Variants in DPY19L3 observed in about 807,000 individuals in gnomAD.
The protein encoded by DPY19L3 is protein C-mannosyl-transferase DPY19L3.
In DPY19L3, 51 loss-of-function variants were observed where a neutral mutation model predicts 92.3. That is an observed-to-expected ratio of 0.55 (90% confidence interval 0.44 to 0.70). The LOEUF is 0.70. Among genes scored for constraint, DPY19L3 ranks in the 30% least tolerant of loss-of-function variants. The pLI is 0.00. For missense variants in DPY19L3, 706 were observed against 855.9 expected (o/e 0.82, Z 2.18); for synonymous variants, 309 against 315.2 (o/e 0.98, Z 0.21).
intron 16 of DPY19L3, among the ~76,000 whole-genome samples, chr19:32,473,649 G>C (rs994817347): frequency 2.6e-5 from 4 of 152,298 alleles, no homozygotes; most frequent in South Asian, 2.1e-4. Flanking sequence ...TTTGGCATTT[G>C]CCTTACGGGT....
At chr19:32,436,086 G>A (rs1969128535) in intron 4 of DPY19L3, among the ~76,000 whole-genome samples, 1 of 152,244 alleles carries the variant, frequency 6.6e-6, no homozygotes, top group Non-Finnish European at 1.5e-5. Flanking sequence ...AGTGGAGAAG[G>A]AAGGCCATGT....
intron 3 of DPY19L3, among the ~76,000 whole-genome samples, chr19:32,432,194 T>C (rs576619717): frequency 6.6e-6 from 1 of 152,218 alleles, no homozygotes; most frequent in African/African-American, 2.4e-5. Context: ...TCTTCTAGGG[T>C]TGAATACTTA....
chr19:32,479,936 T>C (rs1970623326), intron 17 of DPY19L3, among the ~76,000 whole-genome samples: 1 of 152,214 alleles, frequency 6.6e-6, no homozygotes, highest in Non-Finnish European at 1.5e-5. Context: ...ACAGGGATCC[T>C]TCTCCCCACC....
Position 32,439,930 on chromosome 19 carries a change from C to A in DPY19L3, c.855+20C>A. The A allele has an allele frequency of 6.2e-7, 1 of 1,610,200 alleles. No homozygotes were observed. The highest frequency in any genetic ancestry group is 1.1e-5 in the South Asian group (1 of 89,864). On this transcript the variant is annotated intron_variant, in intron 8 of 18. Coordinates refer to ENST00000392250, the MANE Select transcript of DPY19L3 (RefSeq NM_001172774.2). ...GTGAAGGTGAGCTTTGCTTTCTTTTCTCACTTGAGATTTTGGCCATTTAGT... is the reference window on the plus strand; with the variant it reads ...GTGAAGGTGAGCTTTGCTTTCTTTTATCACTTGAGATTTTGGCCATTTAGT...
chr19:32,432,868 A>G, intron 4 of DPY19L3, 62 bp downstream of exon 4: 1 of 1,448,732 alleles, frequency 6.9e-7, no homozygotes, highest in Non-Finnish European at 9.7e-7. Flanking sequence ...TTTAGTGAGA[A>G]GTACTGTGCA....
intron 15 of DPY19L3, among the ~76,000 whole-genome samples, chr19:32,466,365 G>T (rs969262725): frequency 1.1e-4 from 17 of 152,242 alleles, no homozygotes; most frequent in Admixed American, 8.5e-4. Context: ...CATTTAACCA[G>T]CCCCCCAGTT....
chr19:32,469,494 T>TAA (rs1189739601), intron 16 of DPY19L3, among the ~76,000 whole-genome samples: 6 of 124,256 alleles, frequency 4.8e-5, no homozygotes, highest in African/African-American at 8.9e-5. Flanking sequence ...AGACTCTCTC[T>TAA]AAAAAAAAAA....
chr19:32,406,591 A>G (rs1967960029), intron 1 of DPY19L3, among the ~76,000 whole-genome samples: 2 of 152,010 alleles, frequency 1.3e-5, no homozygotes, highest in South Asian at 2.1e-4. Flanking sequence ...GTCTGAAGTC[A>G]TCCTCCTGCC....
intron 14 of DPY19L3, 54 bp from the exon 15 acceptor site, chr19:32,464,673 CA>C (rs1568355428): frequency 1.7e-6 from 2 of 1,182,988 alleles, no homozygotes; most frequent in Admixed American, 2.5e-5. Flanking sequence ...CCCTGTCTCT[CA>C]AAAAAGAAAA....
chr19:32,473,443 T>A (rs1970413519), intron 16 of DPY19L3, among the ~76,000 whole-genome samples: 1 of 152,126 alleles, frequency 6.6e-6, no homozygotes, highest in Non-Finnish European at 1.5e-5. Context: ...CAGGCAAGAG[T>A]GTCTGTGAAG....
chr19:32,411,694 A>G (rs1968188823), intron 3 of DPY19L3: 1 of 324,538 alleles, frequency 3.1e-6, no homozygotes, highest in Admixed American at 4.6e-5. Context: ...TAGCCTCCCA[A>G]GTAGCTGGGA....
At chr19:32,447,255 A>C (rs1969530088) in intron 8 of DPY19L3, among the ~76,000 whole-genome samples, 1 of 152,218 alleles carries the variant, frequency 6.6e-6, no homozygotes, top group Admixed American at 6.5e-5. Flanking sequence ...TATTAAGAAG[A>C]AAATGTGTAG....
rs1381729272 is a variant in DPY19L3, at chr19:32,482,832, G to A, written c.*592G>A. The stretch of plus-strand genomic sequence containing the variant: ...TGTTACACTCTGTCTGAAATGTAAT[G>A]TGGAGTACTTCAGCAGTATGTGTCA... On this transcript the variant is annotated 3_prime_UTR_variant, in exon 19 of 19. Transcript: ENST00000392250. 1 of 152,752 alleles carries A rather than the reference G, an allele frequency of 6.5e-6. No individual in the cohort carries two copies. The highest frequency in any genetic ancestry group is 6.5e-5 in the Admixed American group (1 of 15,330). The allele number at this position is 152,752 out of a possible 1,614,324, so 9.5% of individuals were successfully genotyped here. A position where few individuals can be genotyped will look rare whatever the true frequency, so the allele number is the denominator to read the frequency against.
chr19:32,465,206 GAC>G (rs1433698960), intron 15 of DPY19L3, among the ~76,000 whole-genome samples: 1 of 152,164 alleles, frequency 6.6e-6, no homozygotes, highest in East Asian at 1.9e-4. Context: ...AAGAGAATTA[GAC>G]ACATAAATAA....
chr19:32,471,692 A>G (rs1970362927), intron 16 of DPY19L3, among the ~76,000 whole-genome samples: 1 of 152,122 alleles, frequency 6.6e-6, no homozygotes, highest in South Asian at 2.1e-4. Flanking sequence ...CAGGCTTTCC[A>G]AGTATTCTCA....
intron 8 of DPY19L3, among the ~76,000 whole-genome samples, chr19:32,452,798 A>AT (rs1425783182): frequency 1.3e-5 from 2 of 150,998 alleles, no homozygotes; most frequent in Admixed American, 6.6e-5. Flanking sequence ...GGCTCAAGCG[A>AT]TTCTCCTGTC....
chr19:32,479,156 A>G (rs1409907805), intron 17 of DPY19L3, among the ~76,000 whole-genome samples: 1 of 152,146 alleles, frequency 6.6e-6, no homozygotes, highest in Non-Finnish European at 1.5e-5. Flanking sequence ...AAAGCAGATG[A>G]TTTTTACTAA....
At chr19:32,407,264 T>TCCCCCCCCCCCCCC (rs148363125) in intron 1 of DPY19L3, among the ~76,000 whole-genome samples, 5 of 81,312 alleles carry the variant, frequency 6.1e-5, no homozygotes, top group African/African-American at 2.1e-4. Context: ...AGGCTCCTGC[T>TCCCCCCCCCCCCCC]CCCCCCCACC....
intron 8 of DPY19L3, among the ~76,000 whole-genome samples, chr19:32,447,498 C>G (rs1351864293): frequency 6.6e-6 from 1 of 152,056 alleles, no homozygotes; most frequent in South Asian, 2.1e-4. Flanking sequence ...AGGTGGATCA[C>G]CTGAGGTCAG....
Sources: allele counts gnomAD v4.1 joint callset (sites outside exome capture counted in the v4.1 genomes callset), GRCh38; gene constraint gnomAD v4.1.1; transcripts MANE v1.5; gene names NCBI Gene and HGNC (gene_info 2026-07-23, HGNC 2026-07-21).